The following XKR4 variants were observed in gnomAD, a reference collection of about 807,000 sequenced individuals.
XKR4 encodes XK-related protein 4.
Under a neutral mutation model 53.9 loss-of-function variants are expected in XKR4, and 12 were observed. The observed-to-expected ratio is 0.22, with a 90% CI of 0.14 to 0.36. XKR4 has a LOEUF of 0.36. Ranked by LOEUF, XKR4 falls within the 10% of genes least tolerant of loss-of-function variation. The pLI, the probability that XKR4 is intolerant of heterozygous loss-of-function variation, is 1.00. For synonymous variants in XKR4, 354 were observed against 362.4 expected (o/e 0.98, Z 0.26); for missense variants, 799 against 859.5 (o/e 0.93, Z 0.88).
intron 2 of XKR4, among the ~76,000 whole-genome samples, chr8:55,507,640 T>C (rs1022560731): frequency 6.6e-6 from 1 of 152,146 alleles, no homozygotes; most frequent in Non-Finnish European, 1.5e-5. Context: ...AGAATGATGG[T>C]TTCCAGTTTC....
chr8:55,382,909 G>T (rs1330965811), intron 2 of XKR4, among the ~76,000 whole-genome samples: 1 of 152,124 alleles, frequency 6.6e-6, no homozygotes, highest in Admixed American at 6.5e-5. Flanking sequence ...GTGAGTAAAT[G>T]AATGAACACA....
At chr8:55,207,730 A>AGAGGAGGAAGAGGAAGAG (rs60975134) in intron 1 of XKR4, among the ~76,000 whole-genome samples, 137,678 of 150,072 alleles carry the variant, frequency 0.92, 63,339 homozygotes, top group Non-Finnish European at 0.95. Flanking sequence ...CTCATAAAGA[A>AGAGGAGGAAGAGGAAGAG]GAGGAGGAAG....
intron 1 of XKR4, among the ~76,000 whole-genome samples, chr8:55,116,325 G>C (rs527713745): frequency 4.7e-4 from 72 of 152,250 alleles, no homozygotes; most frequent in Non-Finnish European, 8.1e-4. Flanking sequence ...CTAATCCCCA[G>C]CCAGGAGTTA....
intron 1 of XKR4, among the ~76,000 whole-genome samples, chr8:55,186,526 G>T (rs1817380459): frequency 6.6e-6 from 1 of 152,024 alleles, no homozygotes; most frequent in Non-Finnish European, 1.5e-5. Flanking sequence ...CATGGTGGCA[G>T]GCGCTTGTAG....
At chr8:55,256,751 T>A (rs1818444082) in intron 1 of XKR4, among the ~76,000 whole-genome samples, 1 of 152,194 alleles carries the variant, frequency 6.6e-6, no homozygotes, top group Non-Finnish European at 1.5e-5. Flanking sequence ...TCAGGTCATC[T>A]GCACCTGGAA....
intron 1 of XKR4, among the ~76,000 whole-genome samples, chr8:55,284,477 G>A (rs567271965): frequency 1.6e-4 from 24 of 152,222 alleles, no homozygotes; most frequent in East Asian, 1.4e-3. Flanking sequence ...GGCCCAACTC[G>A]TATGGCTACT....
chr8:55,471,380 C>A (rs542152093), intron 2 of XKR4, among the ~76,000 whole-genome samples: 1 of 152,208 alleles, frequency 6.6e-6, no homozygotes, highest in Admixed American at 6.5e-5. Flanking sequence ...ACTGCCCACC[C>A]TTTTCCCCTC....
chr8:55,515,044 C>G (rs1179893981), intron 2 of XKR4, among the ~76,000 whole-genome samples: 1 of 152,172 alleles, frequency 6.6e-6, no homozygotes. Flanking sequence ...CCATATTTGT[C>G]AAGAAGGAGG....
intron 1 of XKR4, among the ~76,000 whole-genome samples, chr8:55,301,358 G>A (rs947680659): frequency 6.6e-6 from 1 of 151,866 alleles, no homozygotes; most frequent in African/African-American, 2.4e-5. Flanking sequence ...GTATTCCCTG[G>A]TGTATATGTG....
At chr8:55,453,394 A>C in intron 2 of XKR4, 1 of 434,692 alleles carries the variant, frequency 2.3e-6, no homozygotes, top group Non-Finnish European at 4.7e-6. Flanking sequence ...AGTGGCAGGC[A>C]GCTCACCACT....
intron 1 of XKR4, among the ~76,000 whole-genome samples, chr8:55,145,623 A>C (rs1271292624): frequency 6.6e-6 from 1 of 152,218 alleles, no homozygotes; most frequent in Non-Finnish European, 1.5e-5. Context: ...AACTTTTTGA[A>C]TAGTTGCAAT....
rs577487630 is a variant in XKR4 at position 55,331,893 on chromosome 8, AC to A, written c.807-25784del. Among the ~76,000 whole-genome samples, 253 of 152,178 alleles carry A rather than the reference AC, an allele frequency of 1.7e-3. 2 individuals are homozygous for A. The highest frequency in any genetic ancestry group is 6.8e-3 in the Middle Eastern group (2 of 294). On this transcript the variant is annotated intron_variant, in intron 1 of 2. Coordinates refer to ENST00000327381, the MANE Select transcript of XKR4 (RefSeq NM_052898.2). ...GGGTGCTGGTTTCTAAATCCATTCT[AC>A]TAATCTGTGTCTTTTGATTGGGAGA...
intron 1 of XKR4, among the ~76,000 whole-genome samples, chr8:55,334,599 T>C (rs1223149796): frequency 6.6e-6 from 1 of 152,170 alleles, no homozygotes; most frequent in Admixed American, 6.5e-5. Context: ...TGGACCCCTC[T>C]CTTCACTCCC....
chr8:55,165,282 C>G (rs78566756), intron 1 of XKR4, among the ~76,000 whole-genome samples: 4 of 151,908 alleles, frequency 2.6e-5, no homozygotes, highest in Non-Finnish European at 5.9e-5. Context: ...CAGGGCTAAT[C>G]AAAATGCCAG....
intron 1 of XKR4, among the ~76,000 whole-genome samples, chr8:55,278,948 AAAAAAC>A (rs1318784616): frequency 1.5e-4 from 23 of 152,210 alleles, no homozygotes; most frequent in African/African-American, 2.7e-4. Context: ...AAGAGAAGCA[AAAAAAC>A]AAAAACAAAA....
intron 2 of XKR4, chr8:55,451,947 C>A: frequency 1.3e-6 from 1 of 774,326 alleles, no homozygotes. Flanking sequence ...GGCTCCAGTG[C>A]TCCTAGCTGA....
intron 2 of XKR4, among the ~76,000 whole-genome samples, chr8:55,478,185 G>A (rs1719774378): frequency 6.6e-6 from 1 of 152,152 alleles, no homozygotes; most frequent in Admixed American, 6.5e-5. Context: ...AAGCCCATCA[G>A]ACTAACAGCG....
Position 55,102,756 on chromosome 8 carries a change from G to A in XKR4, c.268G>A (p.Gly90Arg). 2 of 1,279,086 alleles carry A rather than the reference G, an allele frequency of 1.6e-6. No homozygotes were observed. Among genetic ancestry groups the A allele is most frequent in the Non-Finnish European group, 9.9e-7 (1 of 1,013,806 alleles). The allele number at this position is 1,279,086 out of a possible 1,614,324, so 79.2% of individuals were successfully genotyped here. A position where few individuals can be genotyped will look rare whatever the true frequency, so the allele number is the denominator to read the frequency against. Residue 90 changes from glycine (G) to arginine (R), a missense_variant, in exon 1 of 3, where the codon GGG becomes AGG. Around this residue, in one of 3 missense-constraint regions of XKR4, gnomAD observed 476 missense variants for 505.4 expected, o/e 0.94. Transcript: ENST00000327381. The surrounding 1 kb of genome is among the most constrained non-coding windows in gnomAD (Gnocchi z 5.1). ...SGGVAGPGGG[G>R]AGSAALCLRL... ...CGGCGTCGCCGGCCCGGGCGGCGGC[G>A]GGGCGGGCTCGGCTGCGCTGTGCCT...
chr8:55,535,413 T>A lies in XKR4; in HGVS notation c.*11186T>A, dbSNP rs1470414618. The A allele has an allele frequency of 7.5e-6, 1 of 133,020 alleles. No individual in the cohort carries two copies. The highest frequency in any genetic ancestry group is 2.6e-4 in the East Asian group (1 of 3,836). 8.2% of individuals were successfully genotyped at this position (133,020 alleles called of 1,614,324 possible). A position where few individuals can be genotyped will look rare whatever the true frequency, so the allele number is the denominator to read the frequency against. On this transcript the variant is annotated 3_prime_UTR_variant, in exon 3 of 3. Transcript: ENST00000327381. ...CACAACACTCCCCGGTGTGTGATGTTCCCCTTCCTGTGCACGTGACTTATT... is the reference window on the plus strand; with the variant it reads ...CACAACACTCCCCGGTGTGTGATGTACCCCTTCCTGTGCACGTGACTTATT...
Sources: allele counts gnomAD v4.1 joint callset (sites outside exome capture counted in the v4.1 genomes callset), GRCh38; gene constraint gnomAD v4.1.1; regional missense constraint gnomAD v4.1.1; non-coding constraint Gnocchi (gnomAD v3.1); transcripts MANE v1.5; gene names NCBI Gene and HGNC (gene_info 2026-07-23, HGNC 2026-07-21).